Variants in CD109 observed in about 807,000 individuals in gnomAD.
The protein encoded by CD109 is CD109 antigen.
In CD109, 149 loss-of-function variants were observed where a neutral mutation model predicts 165.8. The ratio of observed to expected loss-of-function variants is 0.90; its 90% CI spans 0.79 to 1.03. The LOEUF (loss-of-function observed/expected upper bound fraction) is 1.03. Ranked by LOEUF, CD109 falls within the 50% of genes least tolerant of loss-of-function variation. CD109 has a pLI of 0.00. For missense variants in CD109, 1,712 were observed against 1,677.8 expected (o/e 1.02, Z -0.36); for synonymous variants, 585 against 592.1 (o/e 0.99, Z 0.18).
At chr6:73,753,998 C>G (rs1286080746) in intron 5 of CD109, among the ~76,000 whole-genome samples, 1 of 152,074 alleles carries the variant, frequency 6.6e-6, no homozygotes, top group East Asian at 1.9e-4. Context: ...GAGATGGACA[C>G]AAAGCAAATG....
intron 19 of CD109, among the ~76,000 whole-genome samples, chr6:73,784,200 C>G (rs6921996): frequency 0.38 from 57,988 of 151,972 alleles, 11,312 homozygotes; most frequent in African/African-American, 0.46. Context: ...TGTTCCCTAG[C>G]CAATATTCCA....
chr6:73,736,230 C>T (rs1772538719), intron 4 of CD109, among the ~76,000 whole-genome samples, 153 bp from the exon 5 acceptor site: 1 of 151,892 alleles, frequency 6.6e-6, no homozygotes, highest in African/African-American at 2.4e-5. Flanking sequence ...TCTTTCCATC[C>T]TCACATCCTG....
At chr6:73,781,792 C>T (rs1383429057) in intron 17 of CD109, among the ~76,000 whole-genome samples, 3 of 142,506 alleles carry the variant, frequency 2.1e-5, no homozygotes, top group African/African-American at 7.9e-5. Context: ...CACACACACA[C>T]ACAGAGACAT....
intron 2 of CD109, among the ~76,000 whole-genome samples, chr6:73,709,117 G>A (rs1771423713): frequency 6.6e-6 from 1 of 152,034 alleles, no homozygotes; most frequent in Admixed American, 6.6e-5. Flanking sequence ...TTTCTTCTAG[G>A]GTTTTTATGG....
At chr6:73,691,696 A>G (rs1770695387), upstream of CD109, among the ~76,000 whole-genome samples, 1 of 152,096 alleles carries the variant, frequency 6.6e-6, no homozygotes, top group South Asian at 2.1e-4. Flanking sequence ...TAGTTATGTT[A>G]TGCTGCACAC....
In CD109 at chr6:73,712,850, A is replaced by G. The variant is rs2150157713; in HGVS notation, c.248-10401A>G. On this transcript the variant is annotated intron_variant, in intron 2 of 32. Transcript: ENST00000287097. ...GAAATGATTGGAGTTTTATAAAGTT[A>G]TCTATAAAAACACTAAGAAGAACCT... Among the ~76,000 whole-genome samples the G allele has an allele frequency of 2.6e-5, 4 of 152,306 alleles. No homozygotes were observed. In the South Asian group the frequency reaches 8.3e-4, roughly 32 times the overall value.
Position 73,735,549 on chromosome 6 carries a change from A to C in CD109, c.508-834A>C, listed in dbSNP as rs192288195. Among the ~76,000 whole-genome samples the C allele has an allele frequency of 2.0e-5, 3 of 152,278 alleles. No individual in the cohort carries two copies. In the East Asian group the frequency reaches 5.8e-4, roughly 29 times the overall value. ...AAATGTCAGGAAATGTGAGAGAGGA[A>C]TCTAGGATGACTGCTGGAATGGCTT... On this transcript the variant is annotated intron_variant, in intron 4 of 32. Coordinates refer to ENST00000287097, the MANE Select transcript of CD109 (RefSeq NM_133493.5).
intron 10 of CD109, among the ~76,000 whole-genome samples, 197 bp downstream of exon 10, chr6:73,763,882 A>G (rs557107581): frequency 4.6e-5 from 7 of 152,372 alleles, no homozygotes; most frequent in Non-Finnish European, 7.3e-5. Context: ...GTTTTCAACA[A>G]CAGTAAAAAT....
chr6:73,767,763 A>G (rs1773902588), intron 13 of CD109, among the ~76,000 whole-genome samples: 2 of 152,198 alleles, frequency 1.3e-5, no homozygotes, highest in South Asian at 4.1e-4. Flanking sequence ...TGACCATGTA[A>G]TTTTGCTAAT....
At chr6:73,782,837 T>G (rs1774556974) in intron 18 of CD109, 82 bp downstream of exon 18, 2 of 1,379,770 alleles carry the variant, frequency 1.4e-6, no homozygotes, top group South Asian at 2.6e-5. Flanking sequence ...TTCTAATGTT[T>G]AAGTACAAAC....
intron 2 of CD109, among the ~76,000 whole-genome samples, chr6:73,706,078 GAAGA>G (rs1277690873): frequency 6.6e-6 from 1 of 152,064 alleles, no homozygotes. Flanking sequence ...TTTCTTCTTT[GAAGA>G]AAGAAAGAAA....
chr6:73,688,772 T>TG, the CD109 span, among the ~76,000 whole-genome samples: 4 of 126,638 alleles, frequency 3.2e-5, no homozygotes, highest in African/African-American at 3.4e-5. Context: ...TTTTTTTTTT[T>TG]TTTTTTTTTT....
rs555059504 is a variant in CD109, at chr6:73,697,471, T to C, written c.146T>C (p.Leu49Pro). The C allele has an allele frequency of 2.5e-6, 4 of 1,614,152 alleles. No homozygotes were observed. In the East Asian group the frequency reaches 8.9e-5, roughly 36 times the overall value. ...GGNVTIGVEL[L>P]EHCPSQVTVK... The stretch of plus-strand genomic sequence containing the variant: ...AATGTGACTATTGGGGTGGAGCTTC[T>C]GGAACACTGCCCTTCACAGGTGACT... Residue 49 changes from leucine to proline, a missense_variant, in exon 2 of 33, where the codon CTG (leucine) becomes CCG (proline). Transcript: ENST00000287097.
rs750958416 is a variant in CD109 at position 73,823,609 on chromosome 6, G to A, written c.4314G>A (p.Leu1438=). ...SVIFIFCFKL[L]YFMELWL is the part of the protein sequence containing the mutation. ...TTTTTATTTTCTGTTTCAAGCTTCTGTACTTTATGGAACTTTGGCTGTGAT... is the reference window on the plus strand; with the variant it reads ...TTTTTATTTTCTGTTTCAAGCTTCTATACTTTATGGAACTTTGGCTGTGAT... Residue 1438 remains leucine, a synonymous_variant, in exon 33 of 33, where the codon CTG becomes CTA. Transcript: ENST00000287097. 3.1e-6 allele frequency: 5 copies of A among 1,611,824 alleles called. No individual in the cohort carries two copies. Among genetic ancestry groups the A allele is most frequent in the Non-Finnish European group, 4.2e-6 (5 of 1,178,768 alleles).
intron 7 of CD109, among the ~76,000 whole-genome samples, 168 bp from the exon 8 acceptor site, chr6:73,762,216 C>T (rs1041328675): frequency 6.6e-6 from 1 of 152,228 alleles, no homozygotes; most frequent in Non-Finnish European, 1.5e-5. Flanking sequence ...CCGCCTCGGC[C>T]TCCCAAAGTG....
At chr6:73,758,849 TG>T (rs1458701255) in intron 6 of CD109, 94 bp from the exon 7 acceptor site, 2 of 699,956 alleles carry the variant, frequency 2.9e-6, no homozygotes, top group Non-Finnish European at 5.1e-6. Flanking sequence ...TTTTATTCAG[TG>T]GAAGATGATA....
intron 15 of CD109, among the ~76,000 whole-genome samples, chr6:73,775,716 A>G (rs778464261): frequency 3.9e-5 from 6 of 151,996 alleles, no homozygotes; most frequent in Admixed American, 6.6e-5. Context: ...GTTCCTCTCT[A>G]TGTGTCCATG....
chr6:73,770,021 A>C (rs191270546), intron 14 of CD109, among the ~76,000 whole-genome samples: 7 of 152,356 alleles, frequency 4.6e-5, no homozygotes, highest in Non-Finnish European at 8.8e-5. Flanking sequence ...GTGAACTCAT[A>C]TGAAAGTGCT....
intron 5 of CD109, among the ~76,000 whole-genome samples, chr6:73,751,791 A>C (rs1773200252): frequency 6.6e-6 from 1 of 152,012 alleles, no homozygotes; most frequent in Admixed American, 6.6e-5. Context: ...GGTGAGTGCC[A>C]CTCCTAGCTC....
Sources: allele counts gnomAD v4.1 joint callset (sites outside exome capture counted in the v4.1 genomes callset), GRCh38; gene constraint gnomAD v4.1.1; transcripts MANE v1.5; gene names NCBI Gene and HGNC (gene_info 2026-07-23, HGNC 2026-07-21).